Variants in KIRREL1 observed in about 807,000 individuals in gnomAD.
KIRREL1 encodes kin of IRRE-like protein 1.
A neutral mutation model predicts 83.3 loss-of-function variants in KIRREL1; 25 were observed. The observed-to-expected ratio is 0.30, with a 90% CI of 0.22 to 0.42. The LOEUF (loss-of-function observed/expected upper bound fraction) is 0.42. Ranked by LOEUF, KIRREL1 falls within the 10% of genes least tolerant of loss-of-function variation. The probability of loss-of-function intolerance (pLI) is 1.00; values close to 1 mark genes in which losing one functional copy is unlikely to be tolerated. For missense variants in KIRREL1, 812 were observed against 1,032.3 expected, an observed-to-expected ratio of 0.79 and a Z score of 2.92; for synonymous variants, 388 against 410.4, an observed-to-expected ratio of 0.95 and a Z score of 0.66.
rs1375568406 is a variant in KIRREL1, at chr1:158,094,001, A to G, written c.1719+239A>G. 2.0e-5 allele frequency among the ~76,000 whole-genome samples: 3 copies of G among 152,242 alleles called. No homozygotes were observed. Among genetic ancestry groups the G allele is most frequent in the African/African-American group, 7.2e-5 (3 of 41,466 alleles). ...GACTTCCTTTGCCCCACAGTGTGTG[A>G]AAGTTGGAAGCCCCCAGAGGCTTTC... On this transcript the variant is annotated intron_variant, in intron 13 of 14. Coordinates refer to ENST00000359209, the MANE Select transcript of KIRREL1 (RefSeq NM_018240.7). This position sits in a 1 kb window ranked among gnomAD's most constrained non-coding sequence, Gnocchi z 4.6.
rs75099856 is a variant in KIRREL1, at chr1:158,035,192, A to G, written c.53-40921A>G. Among the ~76,000 whole-genome samples the G allele has an allele frequency of 5.5e-3, 845 of 152,316 alleles. 5 individuals are homozygous for G. Among genetic ancestry groups the G allele is most frequent in the African/African-American group, 0.02 (817 of 41,562 alleles). ...CCTCTCTGCCTCTTTTAAGAGATCA[A>G]TTACTTACCATCCGTCAGTTTCTTT... On this transcript the variant is annotated intron_variant, in intron 1 of 14. Coordinates refer to ENST00000359209, the MANE Select transcript of KIRREL1 (RefSeq NM_018240.7).
intron 1 of KIRREL1, among the ~76,000 whole-genome samples, chr1:158,069,340 G>GTA (rs1553241954): frequency 2.2e-4 from 30 of 135,772 alleles, no homozygotes; most frequent in African/African-American, 7.4e-4. Context: ...GTGTGTGTGT[G>GTA]TGTGAATCTA....
chr1:158,074,030 A>C (rs1474503839), intron 1 of KIRREL1, among the ~76,000 whole-genome samples: 1 of 152,222 alleles, frequency 6.6e-6, no homozygotes, highest in African/African-American at 2.4e-5. Flanking sequence ...TGCAGCATAT[A>C]GCTGCACTAG....
At chr1:158,024,642 T>C (rs1660113475) in intron 1 of KIRREL1, among the ~76,000 whole-genome samples, 1 of 152,114 alleles carries the variant, frequency 6.6e-6, no homozygotes, top group African/African-American at 2.4e-5. Context: ...ACCCAGAGGA[T>C]GAGGGTGGGA....
intron 1 of KIRREL1, among the ~76,000 whole-genome samples, chr1:158,046,801 G>T (rs1660790723): frequency 6.6e-6 from 1 of 152,198 alleles, no homozygotes; most frequent in South Asian, 2.1e-4. Flanking sequence ...TGGTAACTCA[G>T]CACTAAAAGT....
chr1:158,012,778 A>C (rs1171957675), intron 1 of KIRREL1, among the ~76,000 whole-genome samples: 2 of 152,266 alleles, frequency 1.3e-5, no homozygotes, highest in Non-Finnish European at 2.9e-5. Flanking sequence ...CGCCTAGTGC[A>C]TGGGCACTCA....
rs1462073912 is a variant in KIRREL1, at chr1:158,086,471, G to A, written c.511-125G>A. 58 of 840,252 alleles carry A rather than the reference G, an allele frequency of 6.9e-5. No homozygotes were observed. The East Asian group carries it at 1.5e-3, about 21-fold the overall frequency. 52.0% of individuals were successfully genotyped at this position (840,252 alleles called of 1,614,324 possible). Reference sequence around the variant, plus strand: ...ACACAAGGGAAGAGGTTGTGGGAGTGAAGGGGATTGAGCTTTAAGTTAAAG... The same window carrying A: ...ACACAAGGGAAGAGGTTGTGGGAGTAAAGGGGATTGAGCTTTAAGTTAAAG... On this transcript the variant is annotated intron_variant, in intron 4 of 14. Coordinates refer to ENST00000359209, the MANE Select transcript of KIRREL1 (RefSeq NM_018240.7).
intron 1 of KIRREL1, among the ~76,000 whole-genome samples, chr1:158,072,058 A>G (rs1044830293): frequency 2.7e-5 from 4 of 149,424 alleles, no homozygotes; most frequent in Non-Finnish European, 4.5e-5. Flanking sequence ...CGCCACCACC[A>G]TATGTCAGAA....
At chr1:158,031,764 T>A (rs1376181976) in intron 1 of KIRREL1, among the ~76,000 whole-genome samples, 1 of 152,090 alleles carries the variant, frequency 6.6e-6, no homozygotes, top group African/African-American at 2.4e-5. Flanking sequence ...GAGGGATAGA[T>A]AAAGAAGATT....
chr1:158,041,150 A>G (rs1258102290), intron 1 of KIRREL1, among the ~76,000 whole-genome samples: 1 of 152,220 alleles, frequency 6.6e-6, no homozygotes, highest in Non-Finnish European at 1.5e-5. Flanking sequence ...TAGACAGATA[A>G]ATAGGGAACA....
At chr1:158,065,732 C>T (rs1432746277) in intron 1 of KIRREL1, among the ~76,000 whole-genome samples, 3 of 152,094 alleles carry the variant, frequency 2.0e-5, no homozygotes, top group African/African-American at 7.2e-5. Context: ...TTCCCAAAGA[C>T]GTCATTCCTT....
At chr1:157,997,194 C>T (rs1384798592) in intron 1 of KIRREL1, among the ~76,000 whole-genome samples, 1 of 152,150 alleles carries the variant, frequency 6.6e-6, no homozygotes, top group Admixed American at 6.5e-5. Flanking sequence ...GCATCCAGCT[C>T]CCACCTCCAC....
intron 1 of KIRREL1, among the ~76,000 whole-genome samples, chr1:158,019,868 C>A (rs1158993701): frequency 4.6e-5 from 7 of 152,078 alleles, no homozygotes; most frequent in Admixed American, 4.6e-4. Flanking sequence ...AAGCATAACA[C>A]CCCCGACCCC....
chr1:158,016,237 G>A (rs1659821375), intron 1 of KIRREL1, among the ~76,000 whole-genome samples: 1 of 151,910 alleles, frequency 6.6e-6, no homozygotes, highest in South Asian at 2.1e-4. Flanking sequence ...CCTGTAGGCA[G>A]AGCTTGCAGT....
rs1405743212 is a variant in KIRREL1 at position 158,076,266 on chromosome 1, A to G, written c.202+4A>G. 1.2e-6 allele frequency: 2 copies of G among 1,613,558 alleles called. No individual in the cohort carries two copies. Among genetic ancestry groups the G allele is most frequent in the Admixed American group, 1.7e-5 (1 of 59,968 alleles). On this transcript the variant is annotated splice_donor_region_variant and intron_variant, in intron 2 of 14. Coordinates refer to ENST00000359209, the MANE Select transcript of KIRREL1 (RefSeq NM_018240.7). ...GGCATGGGCCAGGGCCTCAAAGGTG[A>G]GTGCCTGGCTACCCAACGTCCAAAC...
At chr1:158,049,036 G>A (rs546266156) in intron 1 of KIRREL1, among the ~76,000 whole-genome samples, 1 of 152,258 alleles carries the variant, frequency 6.6e-6, no homozygotes, top group African/African-American at 2.4e-5. Context: ...GGGAGCATTT[G>A]GGTTGCACTA....
At chr1:158,058,895 C>G (rs765411261) in intron 1 of KIRREL1, among the ~76,000 whole-genome samples, 1 of 152,152 alleles carries the variant, frequency 6.6e-6, no homozygotes, top group African/African-American at 2.4e-5. Context: ...GAACATAATA[C>G]TGAGCTCCTC....
rs114682685 is a variant in KIRREL1 at position 158,028,348 on chromosome 1, G to A, written c.52+34620G>A. On this transcript the variant is annotated intron_variant, in intron 1 of 14. Coordinates refer to ENST00000359209, the MANE Select transcript of KIRREL1 (RefSeq NM_018240.7). ...AACCCTCCCTAATGTTGGGGAGTGT[G>A]TAGCTGTGTGATGTGTCCCATCCAG... Among the ~76,000 whole-genome samples, 258 of 152,360 alleles carry A rather than the reference G, an allele frequency of 1.7e-3. 1 individual carries two copies. Among genetic ancestry groups the A allele is most frequent in the African/African-American group, 5.6e-3 (234 of 41,588 alleles).
intron 1 of KIRREL1, among the ~76,000 whole-genome samples, chr1:157,997,782 T>C (rs551133969): frequency 6.6e-6 from 1 of 152,344 alleles, no homozygotes; most frequent in South Asian, 2.1e-4. Context: ...TATTGAGCCC[T>C]GTGTAACTAC....
Sources: gnomAD v4.1 joint callset for allele counts (sites outside exome capture counted in the v4.1 genomes callset) on GRCh38, gnomAD v4.1.1 for gene constraint, Gnocchi (gnomAD v3.1) non-coding constraint, MANE v1.5 for transcripts, NCBI Gene and HGNC (gene_info 2026-07-23, HGNC 2026-07-21) for gene names.